The following TAF4 variants were observed in gnomAD, a reference collection of about 807,000 sequenced individuals.
TAF4 encodes the protein transcription initiation factor TFIID subunit 4.
A neutral mutation model predicts 90.3 loss-of-function variants in TAF4; 9 were observed. That is an observed-to-expected ratio of 0.10 (90% CI 0.06 to 0.17). TAF4 has a LOEUF of 0.17. Among genes scored for constraint, TAF4 ranks in the 10% least tolerant of loss-of-function variants. TAF4 has a pLI of 1.00. For synonymous variants in TAF4, 818 were observed against 638.9 expected (o/e 1.28, Z -4.23); for missense variants, 1,351 against 1,370.7 (o/e 0.99, Z 0.23).
rs74483353 is a variant in TAF4, at chr20:62,048,036, G to A, written c.1360+16415C>T. 8.0e-3 allele frequency among the ~76,000 whole-genome samples: 1,219 copies of A among 152,222 alleles called. 17 individuals are homozygous for A. The highest frequency in any genetic ancestry group is 0.026 in the African/African-American group (1,065 of 41,520). On this transcript the variant is annotated intron_variant, in intron 1 of 14. Transcript: ENST00000252996. Reference sequence around the variant, plus strand: ...GGACCACCCCCTCATCAAGATGCCTGGTCCCCCACCCAGAGTCACAATACG... The same window carrying A: ...GGACCACCCCCTCATCAAGATGCCTAGTCCCCCACCCAGAGTCACAATACG...
intron 1 of TAF4, among the ~76,000 whole-genome samples, chr20:62,064,115 C>G (rs755010639): frequency 1.3e-5 from 2 of 152,262 alleles, no homozygotes; most frequent in African/African-American, 2.4e-5. Context: ...AGCCTACCAA[C>G]CCGGGCAGGG....
chr20:62,006,884 C>T lies in TAF4; in HGVS notation c.1975-126G>A, dbSNP rs150908643. The T allele has an allele frequency of 7.8e-7, 1 of 1,281,626 alleles. No homozygotes were observed. The highest frequency in any genetic ancestry group is 1.5e-5 in the African/African-American group (1 of 65,148). 79.4% of individuals were successfully genotyped at this position (1,281,626 alleles called of 1,614,324 possible). ...GCTAAGTAAGATGGATCTTGGCCCT[C>T]ACGGCAGCATGTCTGGATGTCAAGG... On this transcript the variant is annotated intron_variant, in intron 6 of 14. Coordinates refer to ENST00000252996, the MANE Select transcript of TAF4 (RefSeq NM_003185.4). The surrounding 1 kb of genome is among the most constrained non-coding windows in gnomAD (Gnocchi z 7.0).
chr20:61,991,987 T>G (rs1475816502), intron 14 of TAF4, among the ~76,000 whole-genome samples: 3 of 152,078 alleles, frequency 2.0e-5, no homozygotes, highest in Non-Finnish European at 4.4e-5. Flanking sequence ...CTTAAGACAC[T>G]TCAGTAAATA....
intron 14 of TAF4, among the ~76,000 whole-genome samples, chr20:61,992,439 CCTT>C (rs1330388130): frequency 6.6e-6 from 1 of 152,068 alleles, no homozygotes; most frequent in Non-Finnish European, 1.5e-5. Flanking sequence ...TTTAATCTCT[CCTT>C]CTCCTGCCCT....
intron 14 of TAF4, 101 bp from the exon 15 acceptor site, chr20:61,976,436 C>A: frequency 2.1e-6 from 3 of 1,401,032 alleles, no homozygotes; most frequent in African/African-American, 1.4e-5. Context: ...CCAGAGGAGG[C>A]CAGGCCTGGC....
intron 14 of TAF4, among the ~76,000 whole-genome samples, chr20:61,988,159 ACCC>A (rs562940865): frequency 5.6e-4 from 85 of 152,258 alleles, no homozygotes; most frequent in African/African-American, 2.0e-3. Flanking sequence ...AGCTGTCAAA[ACCC>A]ACAGAATGTA....
intron 1 of TAF4, among the ~76,000 whole-genome samples, chr20:62,040,785 C>T (rs1447462108): frequency 6.6e-6 from 1 of 152,240 alleles, no homozygotes; most frequent in Non-Finnish European, 1.5e-5. Context: ...CAGTTTCTGA[C>T]AAGACCAAAC....
chr20:62,031,307 A>AGCG (rs2055903075), intron 1 of TAF4, among the ~76,000 whole-genome samples: 1 of 151,982 alleles, frequency 6.6e-6, no homozygotes, highest in Admixed American at 6.5e-5. Flanking sequence ...GAGGCCCAGC[A>AGCG]TGTGCAGAAT....
At chr20:61,982,180 G>A (rs1452291475) in intron 14 of TAF4, among the ~76,000 whole-genome samples, 24 of 85,126 alleles carry the variant, frequency 2.8e-4, no homozygotes, top group Admixed American at 5.3e-4. Context: ...CCCGAGAGGA[G>A]ACACCAAACC....
intron 1 of TAF4, among the ~76,000 whole-genome samples, chr20:62,046,845 AC>A (rs1184107686): frequency 6.6e-6 from 1 of 152,034 alleles, no homozygotes; most frequent in East Asian, 1.9e-4. Context: ...CTTTTCGTAC[AC>A]CTGCTAGCCA....
chr20:62,056,161 C>T (rs1161185081), intron 1 of TAF4, among the ~76,000 whole-genome samples: 3 of 152,056 alleles, frequency 2.0e-5, no homozygotes, highest in African/African-American at 7.2e-5. Flanking sequence ...CACCTGATCC[C>T]GGGAGGCGGA....
At chr20:62,040,089 CAT>C (rs1449161063) in intron 1 of TAF4, among the ~76,000 whole-genome samples, 4 of 152,214 alleles carry the variant, frequency 2.6e-5, no homozygotes, top group African/African-American at 4.8e-5. Flanking sequence ...AATTAATATT[CAT>C]TTGCCATATT....
chr20:62,025,187 G>A (rs1386018198), intron 1 of TAF4, among the ~76,000 whole-genome samples: 3 of 152,126 alleles, frequency 2.0e-5, no homozygotes, highest in Non-Finnish European at 4.4e-5. Flanking sequence ...TTAAGCAAGC[G>A]AAAGGCAAGT....
intron 14 of TAF4, 40 bp downstream of exon 14, chr20:61,997,510 A>T: frequency 1.3e-6 from 2 of 1,514,788 alleles, no homozygotes; most frequent in Non-Finnish European, 1.8e-6. Context: ...GATGTTCCCC[A>T]TGTTTCCCCC....
At position 62,065,512 on chromosome 20, in the gene TAF4, C is replaced by T; in HGVS notation, c.299G>A (p.Gly100Glu). 1.0e-6 allele frequency: 1 copy of T among 975,128 alleles called. No homozygotes were observed. 60.4% of individuals were successfully genotyped at this position (975,128 alleles called of 1,614,324 possible). Reference protein sequence around the residue: ...PPAGRARPGGGGPQRPGPPSP... With the variant: ...PPAGRARPGGEGPQRPGPPSP... ...GGGGGGGCCCGGGCGCTGCGGCCCC[C>T]CGCCCCCCGGCCGCGCTCTACCTGC... Residue 100 changes from glycine (G) to glutamate (E), a missense_variant, in exon 1 of 15, where the codon GGG becomes GAG. Around this residue, in one of 9 missense-constraint regions of TAF4, gnomAD observed 782 missense variants for 536.6 expected, o/e 1.46. Coordinates refer to ENST00000252996, the MANE Select transcript of TAF4 (RefSeq NM_003185.4).
chr20:62,006,060 G>A lies in TAF4; in HGVS notation c.2223+450C>T, dbSNP rs574498858. 8.0e-4 allele frequency: 125 copies of A among 157,152 alleles called. No homozygotes were observed. Among genetic ancestry groups the A allele is most frequent in the African/African-American group, 2.8e-3 (117 of 41,752 alleles). 9.7% of individuals were successfully genotyped at this position (157,152 alleles called of 1,614,324 possible). On this transcript the variant is annotated intron_variant, in intron 7 of 14. Coordinates refer to ENST00000252996, the MANE Select transcript of TAF4 (RefSeq NM_003185.4). This position sits in a 1 kb window ranked among gnomAD's most constrained non-coding sequence, Gnocchi z 7.0. Reference sequence around the variant, plus strand: ...TAAGTGAACCGCTATGAGCAGCCGCGGCTTCGCCTCCCGGGACTCACCTAA... The same window carrying A: ...TAAGTGAACCGCTATGAGCAGCCGCAGCTTCGCCTCCCGGGACTCACCTAA...
At chr20:62,046,085 G>T (rs182355047) in intron 1 of TAF4, among the ~76,000 whole-genome samples, 1 of 152,194 alleles carries the variant, frequency 6.6e-6, no homozygotes, top group East Asian at 1.9e-4. Flanking sequence ...TGCAGCAGAC[G>T]GCAGACATTG....
chr20:62,064,138 G>A (rs1008642463), intron 1 of TAF4, among the ~76,000 whole-genome samples: 1 of 152,240 alleles, frequency 6.6e-6, no homozygotes, highest in Non-Finnish European at 1.5e-5. Context: ...GCATAGGGCG[G>A]GAGCAGGTAA....
chr20:62,029,484 GCGCA>G (rs58179099), intron 1 of TAF4, among the ~76,000 whole-genome samples: 1,798 of 142,218 alleles, frequency 0.013, 10 homozygotes, highest in East Asian at 0.024. Context: ...GTGCGCGCGC[GCGCA>G]CACACACACA....
Sources: allele counts gnomAD v4.1 joint callset (sites outside exome capture counted in the v4.1 genomes callset), GRCh38; gene constraint gnomAD v4.1.1; regional missense constraint gnomAD v4.1.1; non-coding constraint Gnocchi (gnomAD v3.1); transcripts MANE v1.5; gene names NCBI Gene and HGNC (gene_info 2026-07-23, HGNC 2026-07-21).